GPR89A: variants seen among roughly 807,000 people sequenced by gnomAD.
The protein encoded by GPR89A is G protein-coupled receptor 89A.
A neutral mutation model predicts 52.0 loss-of-function variants in GPR89A; 16 were observed. The observed-to-expected ratio is 0.31, with a 90% CI of 0.21 to 0.47. The LOEUF (loss-of-function observed/expected upper bound fraction) is 0.47. Among genes scored for constraint, GPR89A ranks in the 20% least tolerant of loss-of-function variants. The pLI is 1.00. For synonymous variants in GPR89A, 55 were observed against 150.9 expected, an observed-to-expected ratio of 0.36 and a Z score of 4.66; for missense variants, 135 against 449.4, an observed-to-expected ratio of 0.30 and a Z score of 6.33.
At chr1:145,655,273 C>G (rs587629397) in intron 10 of GPR89A, among the ~76,000 whole-genome samples, 19 of 152,216 alleles carry the variant, frequency 1.2e-4, no homozygotes, top group Non-Finnish European at 2.2e-4. Context: ...TTGTTACTGC[C>G]CAGCTTCTAA....
At chr1:145,612,293 G>T (rs1553686296) in intron 1 of GPR89A, 1 of 152,114 alleles carries the variant, frequency 6.6e-6, no homozygotes, top group African/African-American at 2.4e-5. Flanking sequence ...AATCTAAAAG[G>T]TTATCTGTGT....
chr1:145,630,341 G>GTT (rs1222485873), intron 5 of GPR89A, among the ~76,000 whole-genome samples: 3 of 66,098 alleles, frequency 4.5e-5, no homozygotes, highest in Non-Finnish European at 8.5e-5. Context: ...TACTTTCTTA[G>GTT]TTTTTTTTTT....
chr1:145,608,067 G>A lies in GPR89A; in HGVS notation c.-67G>A, dbSNP rs1307010903. The A allele has an allele frequency of 3.2e-6, 5 of 1,581,022 alleles. No individual in the cohort carries two copies. In the South Asian group the frequency reaches 3.3e-5, roughly 11 times the overall value. On this transcript the variant is annotated 5_prime_UTR_variant, in exon 1 of 14. The change creates a new upstream start codon in the 5' untranslated region. Coordinates refer to ENST00000313835, the MANE Select transcript of GPR89A (RefSeq NM_001097612.2). ...GAAGGCAGACCGTGTGAGGGGGCCTGTGGCCCCAGCGTGCTGTGGCCTCGG... is the reference window on the plus strand; with the variant it reads ...GAAGGCAGACCGTGTGAGGGGGCCTATGGCCCCAGCGTGCTGTGGCCTCGG...
chr1:145,636,441 T>C (rs1182115420), intron 7 of GPR89A, among the ~76,000 whole-genome samples: 6 of 149,060 alleles, frequency 4.0e-5, no homozygotes, highest in Non-Finnish European at 8.9e-5. Flanking sequence ...CATAGTGAGA[T>C]GACATACAAG....
Position 145,637,143 on chromosome 1 carries a change from TTTGA to T in GPR89A, c.617+5404_617+5407del, listed in dbSNP as rs1650300167. Among the ~76,000 whole-genome samples the T allele has an allele frequency of 2.0e-5, 3 of 152,040 alleles. No individual in the cohort carries two copies. The South Asian group carries it at 6.2e-4, about 32-fold the overall frequency. ...GTGCGATTTGCAAGGTTGCTGTGCCTTTGATTGAGTGCATTTTCTGAGCTATGTG... is the reference window on the plus strand; with the variant it reads ...GTGCGATTTGCAAGGTTGCTGTGCCTTTGAGTGCATTTTCTGAGCTATGTG... On this transcript the variant is annotated intron_variant, in intron 7 of 13. Coordinates refer to ENST00000313835, the MANE Select transcript of GPR89A (RefSeq NM_001097612.2).
chr1:145,658,040 G>T (rs1476768153), intron 10 of GPR89A, among the ~76,000 whole-genome samples: 2 of 151,124 alleles, frequency 1.3e-5, no homozygotes, highest in Non-Finnish European at 2.9e-5. Context: ...CACTCCCTCA[G>T]CCCTTAGCAA....
At chr1:145,615,504 C>T (rs1189152833) in intron 1 of GPR89A, among the ~76,000 whole-genome samples, 3 of 151,380 alleles carry the variant, frequency 2.0e-5, no homozygotes, top group Admixed American at 6.6e-5. Flanking sequence ...CCACCACCCC[C>T]AGCTAATTTT....
intron 1 of GPR89A, 33 bp downstream of exon 1, chr1:145,608,208 C>G: frequency 1.9e-6 from 3 of 1,613,780 alleles, no homozygotes; most frequent in Non-Finnish European, 2.5e-6. Flanking sequence ...GACACCCGTC[C>G]GCCTCCCTTT....
chr1:145,626,949 CAAA>C (rs1559030224), intron 5 of GPR89A, among the ~76,000 whole-genome samples: 1 of 126,626 alleles, frequency 7.9e-6, no homozygotes. Context: ...CGAGACTCTA[CAAA>C]AAAAAAAAAA....
At chr1:145,626,166 C>G (rs1480046315) in intron 5 of GPR89A, among the ~76,000 whole-genome samples, 1 of 150,700 alleles carries the variant, frequency 6.6e-6, no homozygotes, top group Non-Finnish European at 1.5e-5. Flanking sequence ...CAGACAGACA[C>G]ATTTATCTGT....
At chr1:145,608,291 G>A (rs1176730198) in intron 1 of GPR89A, 116 bp downstream of exon 1, 4 of 1,429,646 alleles carry the variant, frequency 2.8e-6, no homozygotes, top group Non-Finnish European at 3.9e-6. Flanking sequence ...CGCGTCCTGC[G>A]CTAGTCACTC....
intron 1 of GPR89A, among the ~76,000 whole-genome samples, chr1:145,615,751 G>A (rs1359308684): frequency 1.3e-5 from 2 of 149,216 alleles, no homozygotes; most frequent in African/African-American, 5.0e-5. Context: ...TCAGCCTTTG[G>A]AGTAGCTGGG....
At chr1:145,652,896 G>T (rs1651550298) in intron 10 of GPR89A, among the ~76,000 whole-genome samples, 1 of 147,044 alleles carries the variant, frequency 6.8e-6, no homozygotes, top group Non-Finnish European at 1.5e-5. Flanking sequence ...TCTAGTAGTG[G>T]TCTATTTTAT....
Position 145,626,267 on chromosome 1 carries a change from T to A in GPR89A, c.415+2553T>A, listed in dbSNP as rs1469109730. Among the ~76,000 whole-genome samples, 6 of 151,892 alleles carry A rather than the reference T, an allele frequency of 4.0e-5. No individual in the cohort carries two copies. In the South Asian group the frequency reaches 1.3e-3, roughly 32 times the overall value. ...CTCACATGCACTACAAAGACCCGACTCTGACACCTTTCTCCAGCTTTCTCC... is the reference window on the plus strand; with the variant it reads ...CTCACATGCACTACAAAGACCCGACACTGACACCTTTCTCCAGCTTTCTCC... On this transcript the variant is annotated intron_variant, in intron 5 of 13. Transcript: ENST00000313835.
At chr1:145,622,967 G>A in intron 3 of GPR89A, 87 bp from the exon 4 acceptor site, 2 of 1,595,114 alleles carry the variant, frequency 1.3e-6, no homozygotes, top group Non-Finnish European at 8.5e-7. Flanking sequence ...TGAGTCCAAA[G>A]AGCAAAAGGA....
chr1:145,647,678 G>A (rs1432827319), intron 10 of GPR89A, among the ~76,000 whole-genome samples: 1 of 150,866 alleles, frequency 6.6e-6, no homozygotes, highest in Non-Finnish European at 1.5e-5. Flanking sequence ...GTGGTGGGCC[G>A]CCTGTAATCC....
chr1:145,664,119 G>T (rs1440319228), intron 11 of GPR89A, among the ~76,000 whole-genome samples: 1 of 150,458 alleles, frequency 6.6e-6, no homozygotes, highest in South Asian at 2.1e-4. Context: ...AGGCCATTTA[G>T]CTGTGCTGTC....
In GPR89A at chr1:145,648,700, T is replaced by C. The variant is rs1359110296; in HGVS notation, c.909+1433T>C. Among the ~76,000 whole-genome samples the C allele has an allele frequency of 2.0e-5, 3 of 151,904 alleles. 1 individual carries two copies. The highest frequency in any genetic ancestry group is 1.3e-4 in the Admixed American group (2 of 15,228). ...TTCACCATGTTGCCCAAGGTGGTTT[T>C]GAACTCCTGAGCTCAGGCAATCTGC... is the stretch of plus-strand genomic sequence containing the variant. On this transcript the variant is annotated intron_variant, in intron 10 of 13. Coordinates refer to ENST00000313835, the MANE Select transcript of GPR89A (RefSeq NM_001097612.2).
intron 1 of GPR89A, among the ~76,000 whole-genome samples, chr1:145,612,510 G>A (rs1236060177): frequency 3.3e-5 from 5 of 152,244 alleles, no homozygotes; most frequent in Non-Finnish European, 7.4e-5. Flanking sequence ...ACAAGCTTGA[G>A]TTCAATCTTG....
Sources: gnomAD v4.1 joint callset for allele counts (sites outside exome capture counted in the v4.1 genomes callset) on GRCh38, gnomAD v4.1.1 for gene constraint, MANE v1.5 for transcripts, NCBI Gene and HGNC (gene_info 2026-07-23, HGNC 2026-07-21) for gene names.